CLDN15: variants seen among roughly 807,000 people sequenced by gnomAD.
CLDN15 encodes the protein claudin-15.
In CLDN15, 9 loss-of-function variants were observed where a neutral mutation model predicts 24.5. That is an observed-to-expected ratio of 0.37 (90% CI 0.22 to 0.64). The LOEUF (loss-of-function observed/expected upper bound fraction) is 0.64, where lower values mean the gene tolerates loss of function less well. CLDN15 is among the 30% of genes least tolerant of loss of function. The probability of loss-of-function intolerance (pLI) is 0.63; values close to 1 mark genes in which losing one functional copy is unlikely to be tolerated. For synonymous variants in CLDN15, 149 were observed against 131.4 expected (o/e 1.13, Z -0.92); for missense variants, 248 against 305.9 (o/e 0.81, Z 1.41).
At position 101,237,493 on chromosome 7, in the gene CLDN15, C is replaced by T. The variant is rs776976484; in HGVS notation, c.89G>A (p.Arg30Gln). 6.2e-6 allele frequency: 10 copies of T among 1,614,082 alleles called. No homozygotes were observed. In the East Asian group the frequency reaches 1.1e-4, roughly 18 times the overall value. Residue 30 changes from arginine (R) to glutamine (Q), a missense_variant, in exon 1 of 5, where the codon CGA (arginine) becomes CAA (glutamine). By Grantham distance (43) the Arg-to-Gln change is conservative. Coordinates refer to ENST00000308344, the MANE Select transcript of CLDN15 (RefSeq NM_014343.3). This position sits in a 1 kb window ranked among gnomAD's most constrained non-coding sequence, Gnocchi z 4.0. ...GACGTTCCCGTGCACAGTGGACACTCGCCAGTAGCTGTTTGGCAGAGTCAC... is the reference window on the plus strand; with the variant it reads ...GACGTTCCCGTGCACAGTGGACACTTGCCAGTAGCTGTTTGGCAGAGTCAC... ...LGVTLPNSYWRVSTVHGNVIT... is the reference protein window; with the variant it reads ...LGVTLPNSYWQVSTVHGNVIT...
intron 1 of CLDN15, among the ~76,000 whole-genome samples, chr7:101,236,595 C>T (rs1460973739): frequency 6.6e-6 from 1 of 152,172 alleles, no homozygotes. Context: ...AGGGAGACTG[C>T]CCCGGAGAAA....
In CLDN15 at chr7:101,237,631, C is replaced by G; in HGVS notation, c.-50G>C. 1.4e-6 allele frequency: 2 copies of G among 1,392,752 alleles called. No individual in the cohort carries two copies. The highest frequency in any genetic ancestry group is 2.0e-6 in the Non-Finnish European group (2 of 983,260). The allele number at this position is 1,392,752 out of a possible 1,614,324, so 86.3% of individuals were successfully genotyped here. A position where few individuals can be genotyped will look rare whatever the true frequency, so the allele number is the denominator to read the frequency against. ...CTGGTGCCCCAGAGAGGGGGAGGGG[C>G]AGAACCCCTAGGGAACTGGAAGGGG... On this transcript the variant is annotated 5_prime_UTR_variant, in exon 1 of 5. Coordinates refer to ENST00000308344, the MANE Select transcript of CLDN15 (RefSeq NM_014343.3). This position sits in a 1 kb window ranked among gnomAD's most constrained non-coding sequence, Gnocchi z 4.0.
In CLDN15 at chr7:101,232,460, G is replaced by C. The variant is rs535594270; in HGVS notation, c.637C>G (p.Gln213Glu). ...VSVMPVATSDQEGDSSFGKYG... is the reference protein window; with the variant it reads ...VSVMPVATSDEEGDSSFGKYG... ...TTGCCAAAGCTGCTGTCGCCTTCTT[G>C]GTCCGAGGTGGCGACGGGCATCACG... Residue 213 changes from glutamine to glutamate, a missense_variant, in exon 5 of 5, where the codon CAA (glutamine) becomes GAA (glutamate). Gln to Glu is a conservative substitution (Grantham distance 29). Transcript: ENST00000308344. The C allele has an allele frequency of 6.7e-5, 108 of 1,613,554 alleles. No individual in the cohort carries two copies. The highest frequency in any genetic ancestry group is 3.8e-4 in the South Asian group (35 of 91,078).
intron 1 of CLDN15, among the ~76,000 whole-genome samples, 185 bp from the exon 2 acceptor site, chr7:101,234,627 A>G (rs1798590108): frequency 6.6e-6 from 1 of 151,994 alleles, no homozygotes; most frequent in African/African-American, 2.4e-5. Context: ...GGGTTTCACC[A>G]TGTTGTCCAG....
At chr7:101,238,587 T>TGTGA (rs1423055678), upstream of CLDN15, 1 of 152,260 alleles carries the variant, frequency 6.6e-6, no homozygotes, top group Non-Finnish European at 1.5e-5. Flanking sequence ...CTGTCCTGGA[T>TGTGA]GTGAGTGTCA....
intron 1 of CLDN15, among the ~76,000 whole-genome samples, chr7:101,235,915 C>T (rs532298976): frequency 1.1e-4 from 16 of 152,230 alleles, no homozygotes; most frequent in East Asian, 3.9e-4. Flanking sequence ...GTCTGAATGC[C>T]GGCTCCCCTC....
chr7:101,234,615 C>G (rs1798589995), intron 1 of CLDN15, among the ~76,000 whole-genome samples, 173 bp from the exon 2 acceptor site: 1 of 152,084 alleles, frequency 6.6e-6, no homozygotes, highest in African/African-American at 2.4e-5. Flanking sequence ...TTAGTAGAGA[C>G]AGGGTTTCAC....
chr7:101,233,323 C>T (rs2116835054), intron 2 of CLDN15, among the ~76,000 whole-genome samples: 1 of 152,240 alleles, frequency 6.6e-6, no homozygotes, highest in South Asian at 2.1e-4. Flanking sequence ...CAGGGTCGTC[C>T]TTTCCTGAAG....
chr7:101,236,629 GGGGAGCA>G, intron 1 of CLDN15: 1 of 709,590 alleles, frequency 1.4e-6, no homozygotes. Context: ...TCATCTTAGC[GGGGAGCA>G]GGGAGCGGGA....
At chr7:101,234,800 C>G (rs1798592397) in intron 1 of CLDN15, among the ~76,000 whole-genome samples, 1 of 152,042 alleles carries the variant, frequency 6.6e-6, no homozygotes, top group African/African-American at 2.4e-5. Flanking sequence ...TCCAGCCTAC[C>G]CAGTTGCAGT....
At position 101,234,125 on chromosome 7, in the gene CLDN15, T is replaced by G. The variant is rs757974179; in HGVS notation, c.382+153A>C. ...ATTTGCAGCCAGGAGATCTGGGGAG[T>G]ACAGATGAGGCAGGGGTGAGCAGGT... On this transcript the variant is annotated intron_variant, in intron 2 of 4. Transcript: ENST00000308344. The G allele has an allele frequency of 7.7e-6, 6 of 774,690 alleles. No homozygotes were observed. In the East Asian group the frequency reaches 1.5e-4, roughly 19 times the overall value. The allele number at this position is 774,690 out of a possible 1,614,324, so 48.0% of individuals were successfully genotyped here. A position where few individuals can be genotyped will look rare whatever the true frequency, so the allele number is the denominator to read the frequency against.
At position 101,237,294 on chromosome 7, in the gene CLDN15, AC is replaced by A; in HGVS notation, c.217+70del. On this transcript the variant is annotated intron_variant, in intron 1 of 4. Coordinates refer to ENST00000308344, the MANE Select transcript of CLDN15 (RefSeq NM_014343.3). The surrounding 1 kb of genome is among the most constrained non-coding windows in gnomAD (Gnocchi z 4.0). ...GGGCTCCCTGCATCCTCACGGAAGT[AC>A]CCGCCCTCCCCTGGGGTCTCTGCAG... The A allele has an allele frequency of 9.9e-7, 1 of 1,007,514 alleles. No homozygotes were observed. Among genetic ancestry groups the A allele is most frequent in the Non-Finnish European group, 1.5e-6 (1 of 651,986 alleles). 62.4% of individuals were successfully genotyped at this position (1,007,514 alleles called of 1,614,324 possible).
rs957922178 is a variant in CLDN15 at position 101,237,217 on chromosome 7, C to T, written c.217+148G>A. 4 of 659,146 alleles carry T rather than the reference C, an allele frequency of 6.1e-6. No individual in the cohort carries two copies. Among genetic ancestry groups the T allele is most frequent in the Non-Finnish European group, 1.1e-5 (4 of 368,624 alleles). The allele number at this position is 659,146 out of a possible 1,614,324, so 40.8% of individuals were successfully genotyped here. ...TCTTCACTCCAGTTCTAGGCATGGG[C>T]CGCCCCCAGCACTCCTGGCTGCGGG... On this transcript the variant is annotated intron_variant, in intron 1 of 4. Coordinates refer to ENST00000308344, the MANE Select transcript of CLDN15 (RefSeq NM_014343.3). The surrounding 1 kb of genome is among the most constrained non-coding windows in gnomAD (Gnocchi z 4.0).
rs144733493 is a variant in CLDN15 at position 101,233,472 on chromosome 7, T to C, written c.383-558A>G. Among the ~76,000 whole-genome samples, 1,278 of 152,258 alleles carry C rather than the reference T, an allele frequency of 8.4e-3. 7 individuals are homozygous for C. Among genetic ancestry groups the C allele is most frequent in the Admixed American group, 0.016 (246 of 15,282 alleles). On this transcript the variant is annotated intron_variant, in intron 2 of 4. Transcript: ENST00000308344. ...ACCTCAAAGGCTTATTGTGAGGCAA[T>C]GGGTACAGAAATGTTCTGCAAATTG...
In CLDN15 at chr7:101,237,309, G is replaced by A. The variant is rs1798646909; in HGVS notation, c.217+56C>T. On this transcript the variant is annotated intron_variant, in intron 1 of 4. Coordinates refer to ENST00000308344, the MANE Select transcript of CLDN15 (RefSeq NM_014343.3). The surrounding 1 kb of genome is among the most constrained non-coding windows in gnomAD (Gnocchi z 4.0). ...TCACGGAAGTACCCGCCCTCCCCTG[G>A]GGTCTCTGCAGCTTCCCCGCCGCCC... The A allele has an allele frequency of 1.7e-6, 2 of 1,144,538 alleles. No homozygotes were observed. Among genetic ancestry groups the A allele is most frequent in the Admixed American group, 2.0e-5 (1 of 50,660 alleles). The allele number at this position is 1,144,538 out of a possible 1,614,324, so 70.9% of individuals were successfully genotyped here.
Position 101,232,455 on chromosome 7 carries a change from T to C in CLDN15, c.642A>G (p.Glu214=), listed in dbSNP as rs767416076. The change falls in exon 5 of 5, where the codon GAA becomes GAG. Residue 214 remains glutamate (E), a synonymous_variant. Coordinates refer to ENST00000308344, the MANE Select transcript of CLDN15 (RefSeq NM_014343.3). ...SVMPVATSDQ[E]GDSSFGKYGR... ...CGTATTTGCCAAAGCTGCTGTCGCCTTCTTGGTCCGAGGTGGCGACGGGCA... is the reference window on the plus strand; with the variant it reads ...CGTATTTGCCAAAGCTGCTGTCGCCCTCTTGGTCCGAGGTGGCGACGGGCA... 6 of 1,613,548 alleles carry C rather than the reference T, an allele frequency of 3.7e-6. No individual in the cohort carries two copies. The East Asian group carries it at 1.3e-4, about 36-fold the overall frequency.
rs747855597 is a variant in CLDN15, at chr7:101,232,732, G to C, written c.465-12C>G. 1 of 1,589,656 alleles carries C rather than the reference G, an allele frequency of 6.3e-7. No individual in the cohort carries two copies. Among genetic ancestry groups the C allele is most frequent in the Admixed American group, 1.7e-5 (1 of 58,158 alleles). ...GGCCCAGCTCGTACCTGCGCACAAG[G>C]GCGGCGCGGGGGCGGGGGACAAGTG... is the stretch of plus-strand genomic sequence containing the variant. On this transcript the variant is annotated splice_polypyrimidine_tract_variant and intron_variant, in intron 3 of 4. Transcript: ENST00000308344.
In CLDN15 at chr7:101,232,845, TACA is replaced by T. The variant is rs1373243400; in HGVS notation, c.449_451del (p.Leu150del). On this transcript the variant is annotated inframe_deletion, in exon 3 of 5. Coordinates refer to ENST00000308344, the MANE Select transcript of CLDN15 (RefSeq NM_014343.3). ...TTTCCTCACTCACTTGGTTCCGGGG[TACA>T]AGGGGTCGAAGAAGTCCCGGGTGAT... The T allele has an allele frequency of 6.2e-7, 1 of 1,612,818 alleles. No homozygotes were observed. Among genetic ancestry groups the T allele is most frequent in the South Asian group, 1.1e-5 (1 of 91,058 alleles).
At chr7:101,235,048 T>C (rs1343459065) in intron 1 of CLDN15, among the ~76,000 whole-genome samples, 1 of 152,116 alleles carries the variant, frequency 6.6e-6, no homozygotes, top group Non-Finnish European at 1.5e-5. Context: ...GTGACAATCA[T>C]TGTGCAAAGT....
Sources: allele counts gnomAD v4.1 joint callset (sites outside exome capture counted in the v4.1 genomes callset), GRCh38; gene constraint gnomAD v4.1.1; non-coding constraint Gnocchi (gnomAD v3.1); transcripts MANE v1.5; gene names NCBI Gene and HGNC (gene_info 2026-07-23, HGNC 2026-07-21).